The following ANKFN1 variants were observed in gnomAD, a reference collection of about 807,000 sequenced individuals.
ANKFN1 encodes the protein ankyrin repeat and fibronectin type III domain containing 1.
A neutral mutation model predicts 108.7 loss-of-function variants in ANKFN1; 74 were observed. The observed-to-expected ratio is 0.68, with a 90% CI of 0.56 to 0.83. ANKFN1 has a LOEUF of 0.83. Ranked by LOEUF, ANKFN1 falls within the 40% of genes least tolerant of loss-of-function variation. The probability of loss-of-function intolerance (pLI) is 0.00; values close to 1 mark genes in which losing one functional copy is unlikely to be tolerated. For missense variants in ANKFN1, 1,505 were observed against 1,382.3 expected, an observed-to-expected ratio of 1.09 and a Z score of -1.41; for synonymous variants, 547 against 516.2, an observed-to-expected ratio of 1.06 and a Z score of -0.81.
At chr17:56,470,178 C>A (rs1041003739) in intron 15 of ANKFN1, among the ~76,000 whole-genome samples, 1 of 152,142 alleles carries the variant, frequency 6.6e-6, no homozygotes, top group Non-Finnish European at 1.5e-5. Context: ...TTTCTTTATC[C>A]AGTCTATCAT....
chr17:56,275,000 T>A (rs2043887628), intron 3 of ANKFN1, among the ~76,000 whole-genome samples: 1 of 152,180 alleles, frequency 6.6e-6, no homozygotes. Context: ...TAAAAAGAAT[T>A]AAGTGAGCTA....
intron 11 of ANKFN1, among the ~76,000 whole-genome samples, chr17:56,451,808 T>C (rs2049499167): frequency 6.6e-6 from 1 of 152,198 alleles, no homozygotes; most frequent in Non-Finnish European, 1.5e-5. Context: ...GCATATTCCA[T>C]AGAATTGAAG....
At chr17:56,153,828 T>C (rs1908832934) in intron 1 of ANKFN1, among the ~76,000 whole-genome samples, 1 of 152,196 alleles carries the variant, frequency 6.6e-6, no homozygotes, top group Non-Finnish European at 1.5e-5. Context: ...TTCTCTTTTA[T>C]CCTTATCATT....
intron 4 of ANKFN1, among the ~76,000 whole-genome samples, chr17:56,077,320 G>A (rs1905192586): frequency 6.6e-6 from 1 of 152,104 alleles, no homozygotes; most frequent in Non-Finnish European, 1.5e-5. Context: ...AGACAATAAA[G>A]GGATAAAGAA....
At chr17:56,105,604 T>C (rs1905731878) in intron 4 of ANKFN1, among the ~76,000 whole-genome samples, 1 of 151,996 alleles carries the variant, frequency 6.6e-6, no homozygotes, top group Admixed American at 6.6e-5. Flanking sequence ...ATTTATTCAT[T>C]TTTCTCTTCC....
chr17:56,094,873 C>T (rs1298255821), intron 4 of ANKFN1, among the ~76,000 whole-genome samples: 1 of 150,872 alleles, frequency 6.6e-6, no homozygotes, highest in Non-Finnish European at 1.5e-5. Flanking sequence ...CTTAATGAGA[C>T]TGTGCACGTA....
chr17:56,213,815 G>A (rs909624072), intron 2 of ANKFN1, among the ~76,000 whole-genome samples: 6 of 152,186 alleles, frequency 3.9e-5, no homozygotes, highest in Admixed American at 6.5e-5. Flanking sequence ...AATATATGCT[G>A]AAATCCCTTT....
intron 18 of ANKFN1, among the ~76,000 whole-genome samples, chr17:56,487,793 T>C (rs192608256): frequency 2.7e-4 from 41 of 152,230 alleles, no homozygotes; most frequent in African/African-American, 7.9e-4. Flanking sequence ...ACAGAGATAA[T>C]ACTTGAGCTG....
intron 18 of ANKFN1, among the ~76,000 whole-genome samples, chr17:56,483,796 T>A (rs2050780839): frequency 6.6e-6 from 1 of 152,200 alleles, no homozygotes; most frequent in Non-Finnish European, 1.5e-5. Flanking sequence ...AACAACACTG[T>A]TTGGGGCAGG....
intron 10 of ANKFN1, 150 bp from the exon 11 acceptor site, chr17:56,448,929 C>T: frequency 1.7e-6 from 1 of 600,008 alleles, no homozygotes. Context: ...CTTCCAAATC[C>T]TTGGCATCGC....
At chr17:56,145,329 T>C (rs1295673642) in intron 4 of ANKFN1, among the ~76,000 whole-genome samples, 1 of 152,168 alleles carries the variant, frequency 6.6e-6, no homozygotes, top group Non-Finnish European at 1.5e-5. Context: ...AAACCTGTAG[T>C]ATTAGTCCAT....
At chr17:56,139,025 T>A (rs1355251365) in intron 4 of ANKFN1, among the ~76,000 whole-genome samples, 2 of 152,334 alleles carry the variant, frequency 1.3e-5, no homozygotes, top group African/African-American at 2.4e-5. Context: ...TATCAGATGA[T>A]ACAATGAATG....
At chr17:56,444,842 T>C (rs1339970616) in intron 10 of ANKFN1, among the ~76,000 whole-genome samples, 4 of 152,276 alleles carry the variant, frequency 2.6e-5, no homozygotes, top group Admixed American at 2.6e-4. Flanking sequence ...TAGCCTGAAT[T>C]GGTCATCTGG....
At chr17:56,059,615 G>C (rs189287832) in intron 4 of ANKFN1, among the ~76,000 whole-genome samples, 1 of 152,128 alleles carries the variant, frequency 6.6e-6, no homozygotes, top group Non-Finnish European at 1.5e-5. Flanking sequence ...TTTGTATAAG[G>C]TGTAAGGAAG....
chr17:56,417,764 C>T lies in ANKFN1; in HGVS notation c.911-22563C>T, dbSNP rs78536655. 9.3e-3 allele frequency among the ~76,000 whole-genome samples: 1,409 copies of T among 152,270 alleles called. 19 individuals are homozygous for T. Among genetic ancestry groups the T allele is most frequent in the African/African-American group, 0.029 (1,216 of 41,538 alleles). Reference sequence around the variant, plus strand: ...TGGGAGGAGGGATAAGCAGGAGCTTCCTATTCCATCATGTTGCTGACATCA... The same window carrying T: ...TGGGAGGAGGGATAAGCAGGAGCTTTCTATTCCATCATGTTGCTGACATCA... On this transcript the variant is annotated intron_variant, in intron 8 of 20. Coordinates refer to ENST00000682825, the MANE Select transcript of ANKFN1 (RefSeq NM_001370326.1).
rs1404065489 is a variant in ANKFN1, at chr17:56,515,860, G to A, written c.*4591G>A. On this transcript the variant is annotated 3_prime_UTR_variant, in exon 21 of 21. Coordinates refer to ENST00000682825, the MANE Select transcript of ANKFN1 (RefSeq NM_001370326.1). Reference sequence around the variant, plus strand: ...TGTAAAACAGTTATTCAAAAGGATGGTTGGCTTTGTTTAACAATTGGATAG... The same window carrying A: ...TGTAAAACAGTTATTCAAAAGGATGATTGGCTTTGTTTAACAATTGGATAG... 6.6e-6 allele frequency among the ~76,000 whole-genome samples: 1 copy of A among 152,118 alleles called. No homozygotes were observed. Among genetic ancestry groups the A allele is most frequent in the Non-Finnish European group, 1.5e-5 (1 of 68,010 alleles).
intron 3 of ANKFN1, among the ~76,000 whole-genome samples, chr17:56,229,561 C>T (rs768987604): frequency 4.7e-5 from 7 of 149,312 alleles, no homozygotes; most frequent in African/African-American, 7.4e-5. Flanking sequence ...AATTTAAGGC[C>T]GCATTTTAAG....
chr17:56,500,163 G>A (rs2145449503), intron 20 of ANKFN1, among the ~76,000 whole-genome samples: 1 of 152,174 alleles, frequency 6.6e-6, no homozygotes, highest in South Asian at 2.1e-4. Context: ...TTGTGAATAA[G>A]GTAAACTATA....
At chr17:56,186,334 A>T in intron 1 of ANKFN1, among the ~76,000 whole-genome samples, 1 of 152,216 alleles carries the variant, frequency 6.6e-6, no homozygotes. Context: ...TCTGAATAGC[A>T]TTATAGAACT....
Sources: allele counts gnomAD v4.1 joint callset (sites outside exome capture counted in the v4.1 genomes callset), GRCh38; gene constraint gnomAD v4.1.1; transcripts MANE v1.5; gene names NCBI Gene and HGNC (gene_info 2026-07-23, HGNC 2026-07-21).